Variants in CACNA1A observed in about 807,000 individuals in gnomAD.
CACNA1A encodes the protein voltage-dependent P/Q-type calcium channel subunit alpha-1A.
A neutral mutation model predicts 262.4 loss-of-function variants in CACNA1A; 57 were observed. The ratio of observed to expected loss-of-function variants is 0.22; its 90% CI spans 0.18 to 0.27. The LOEUF is 0.27. CACNA1A is among the 10% of genes least tolerant of loss of function. The probability of loss-of-function intolerance (pLI) is 1.00; values close to 1 mark genes in which losing one functional copy is unlikely to be tolerated. For missense variants in CACNA1A, 2,526 were observed against 3,562.8 expected, an observed-to-expected ratio of 0.71 and a Z score of 7.41; for synonymous variants, 1,431 against 1,419.3, an observed-to-expected ratio of 1.01 and a Z score of -0.18.
Position 13,290,855 on chromosome 19 carries a change from A to C in CACNA1A, c.3090-3889T>G, listed in dbSNP as rs2057520488. On this transcript the variant is annotated intron_variant, in intron 19 of 46. Coordinates refer to ENST00000360228, the MANE Select transcript of CACNA1A (RefSeq NM_001127222.2). ...ACCTAAATCCTTTGGCCACCAGCTC[A>C]AGAAGCCATGGAGAAACTCGTGGCG... Among the ~76,000 whole-genome samples, 4 of 152,286 alleles carry C rather than the reference A, an allele frequency of 2.6e-5. No homozygotes were observed. The South Asian group carries it at 8.3e-4, about 32-fold the overall frequency.
At chr19:13,215,802 T>C (rs773924723) in intron 38 of CACNA1A, among the ~76,000 whole-genome samples, 6 of 152,062 alleles carry the variant, frequency 3.9e-5, no homozygotes, top group Non-Finnish European at 8.8e-5. Context: ...TGTTTGATGA[T>C]CAAAGTAACG....
At chr19:13,464,910 GTTTCT>G (rs550758826) in intron 1 of CACNA1A, among the ~76,000 whole-genome samples, 175 of 151,204 alleles carry the variant, frequency 1.2e-3, no homozygotes, top group South Asian at 5.3e-3. Flanking sequence ...TTTTCTTTTG[GTTTCT>G]TTTCTTTTCT....
Position 13,207,394 on chromosome 19 carries a change from GT to G in CACNA1A, c.7439del (p.His2480ProfsTer128), listed in dbSNP as rs746064296. ...CCGGCCCGCGGGGCCTGGCCAGTCCGTGCGCCGGGTAGTAGCCGTTGGGGAG... is the reference window on the plus strand; with the variant it reads ...CCGGCCCGCGGGGCCTGGCCAGTCCGGCGCCGGGTAGTAGCCGTTGGGGAG... The part of the protein sequence containing the change: ...RRLPNGYYPA[H>X]GLARPRGPGS... On this transcript the variant is annotated frameshift_variant, in exon 47 of 47. Coordinates refer to ENST00000360228, the MANE Select transcript of CACNA1A (RefSeq NM_001127222.2). LOFTEE classifies it high-confidence loss of function. This position sits in a 1 kb window ranked among gnomAD's most constrained non-coding sequence, Gnocchi z 5.7. 1 of 1,538,986 alleles carries G rather than the reference GT, an allele frequency of 6.5e-7. No individual in the cohort carries two copies. Among genetic ancestry groups the G allele is most frequent in the East Asian group, 2.4e-5 (1 of 40,872 alleles).
At chr19:13,474,362 C>T (rs1051831584) in intron 1 of CACNA1A, among the ~76,000 whole-genome samples, 10 of 152,230 alleles carry the variant, frequency 6.6e-5, no homozygotes, top group African/African-American at 2.2e-4. Context: ...TGTTAATTTG[C>T]GACTATGGCC....
chr19:13,489,299 C>T (rs762467340), intron 1 of CACNA1A, among the ~76,000 whole-genome samples: 8 of 151,868 alleles, frequency 5.3e-5, no homozygotes, highest in Non-Finnish European at 1.0e-4. Flanking sequence ...TGTGAGCCAC[C>T]ACATGTGGCC....
intron 10 of CACNA1A, among the ~76,000 whole-genome samples, chr19:13,325,023 GTCTTCTTCTTCC>G (rs1462804664): frequency 2.0e-4 from 26 of 129,942 alleles, no homozygotes; most frequent in South Asian, 5.3e-4. Flanking sequence ...CTTCTTCTTC[GTCTTCTTCTTCC>G]TCTTCTTCTT....
chr19:13,334,794 T>C (rs1280561233), intron 7 of CACNA1A, among the ~76,000 whole-genome samples: 1 of 151,912 alleles, frequency 6.6e-6, no homozygotes, highest in Non-Finnish European at 1.5e-5. Flanking sequence ...CAGCACTTTG[T>C]GAGGCTGAGA....
At position 13,212,797 on chromosome 19, in the gene CACNA1A, T is replaced by C; in HGVS notation, c.5941-57A>G. 2.5e-6 allele frequency: 2 copies of C among 798,424 alleles called. No individual in the cohort carries two copies. Among genetic ancestry groups the C allele is most frequent in the African/African-American group, 1.7e-5 (1 of 57,346 alleles). 49.5% of individuals were successfully genotyped at this position (798,424 alleles called of 1,614,324 possible). A position where few individuals can be genotyped will look rare whatever the true frequency, so the allele number is the denominator to read the frequency against. On this transcript the variant is annotated intron_variant, in intron 40 of 46. Transcript: ENST00000360228. The surrounding 1 kb of genome is among the most constrained non-coding windows in gnomAD (Gnocchi z 5.6). ...CAAGGGTGGGGTGGTGGGACGGTGG[T>C]ACCCAGAAGGCATTGCGACATCCCC...
At chr19:13,359,903 T>C in intron 5 of CACNA1A, 104 bp from the exon 6 acceptor site, 2 of 721,240 alleles carry the variant, frequency 2.8e-6, no homozygotes, top group South Asian at 2.5e-5. Flanking sequence ...GAATAACTTT[T>C]GGGACAAACG....
intron 30 of CACNA1A, among the ~76,000 whole-genome samples, chr19:13,250,537 C>CA (rs2056369425): frequency 6.6e-6 from 1 of 152,108 alleles, no homozygotes; most frequent in Admixed American, 6.6e-5. Flanking sequence ...GCTGAGACTA[C>CA]AGGCATGCGC....
At chr19:13,247,333 G>A (rs1306992524) in intron 30 of CACNA1A, among the ~76,000 whole-genome samples, 3 of 152,318 alleles carry the variant, frequency 2.0e-5, no homozygotes, top group Admixed American at 6.5e-5. Flanking sequence ...AATGTGCGTC[G>A]CTGAGCATGG....
chr19:13,347,230 T>A (rs991007456), intron 6 of CACNA1A, among the ~76,000 whole-genome samples: 60 of 151,958 alleles, frequency 3.9e-4, no homozygotes, highest in Middle Eastern at 3.4e-3. Flanking sequence ...AGCTAATTTT[T>A]AAATTTTTTT....
chr19:13,392,701 G>T (rs1203968160), intron 3 of CACNA1A, among the ~76,000 whole-genome samples: 1 of 151,778 alleles, frequency 6.6e-6, no homozygotes, highest in Non-Finnish European at 1.5e-5. Flanking sequence ...CAAACACTTG[G>T]GAAAACTGTT....
chr19:13,364,696 G>A (rs2059176097), intron 5 of CACNA1A: 1 of 152,296 alleles, frequency 6.6e-6, no homozygotes, highest in Non-Finnish European at 1.5e-5. Flanking sequence ...CTGGAGTGCA[G>A]TGGTGTGATC....
intron 3 of CACNA1A, among the ~76,000 whole-genome samples, chr19:13,431,045 T>G (rs1599438163): frequency 4.9e-5 from 7 of 142,742 alleles, no homozygotes; most frequent in East Asian, 2.1e-4. Context: ...GAGAGGAGAG[T>G]GGGAATAGAG....
At chr19:13,484,318 G>A (rs1490605946) in intron 1 of CACNA1A, among the ~76,000 whole-genome samples, 1 of 152,080 alleles carries the variant, frequency 6.6e-6, no homozygotes, top group Non-Finnish European at 1.5e-5. Context: ...AAACCCTGGG[G>A]GCCAGGGGCT....
rs1305410177 is a variant in CACNA1A, at chr19:13,207,825, C to T, written c.7009G>A (p.Gly2337Ser). 4 of 1,462,952 alleles carry T rather than the reference C, an allele frequency of 2.7e-6. No individual in the cohort carries two copies. The East Asian group carries it at 8.6e-5, about 31-fold the overall frequency. 90.6% of individuals were successfully genotyped at this position (1,462,952 alleles called of 1,614,324 possible). ...GTGGGGCCTGGGTACCTCCGAGGGC[C>T]GCTGGTGGCCGCCCGGCCCGGCCTG... ...VARPGRAATS[G>S]PRRYPGPTAE... Residue 2337 changes from glycine (G) to serine (S), a missense_variant, in exon 47 of 47, where the codon GGC (glycine) becomes AGC (serine). Physicochemically the swap from Gly to Ser is moderately conservative, Grantham distance 56 (BLOSUM62 0). Around this residue, in one of 17 missense-constraint regions of CACNA1A, gnomAD observed 929 missense variants for 868.1 expected, o/e 1.07. Coordinates refer to ENST00000360228, the MANE Select transcript of CACNA1A (RefSeq NM_001127222.2). The surrounding 1 kb of genome is among the most constrained non-coding windows in gnomAD (Gnocchi z 5.7).
At chr19:13,377,636 T>C (rs1426685968) in intron 3 of CACNA1A, among the ~76,000 whole-genome samples, 1 of 152,118 alleles carries the variant, frequency 6.6e-6, no homozygotes, top group Non-Finnish European at 1.5e-5. Flanking sequence ...GTGCTGGGAT[T>C]ACAGGTGTGA....
intron 1 of CACNA1A, among the ~76,000 whole-genome samples, chr19:13,473,726 A>G (rs1441186552): frequency 1.3e-5 from 2 of 150,140 alleles, no homozygotes; most frequent in African/African-American, 4.9e-5. Context: ...TGTACATCCC[A>G]GTTCCAGGCA....
Sources: allele counts gnomAD v4.1 joint callset (sites outside exome capture counted in the v4.1 genomes callset), GRCh38; gene constraint gnomAD v4.1.1; regional missense constraint gnomAD v4.1.1; non-coding constraint Gnocchi (gnomAD v3.1); transcripts MANE v1.5; gene names NCBI Gene and HGNC (gene_info 2026-07-23, HGNC 2026-07-21).